Variants in USP44 observed in about 807,000 individuals in gnomAD.
USP44 encodes the protein ubiquitin carboxyl-terminal hydrolase 44.
USP44 carries 61 observed loss-of-function variants against 69.0 expected under a neutral mutation model. That is an observed-to-expected ratio of 0.88 (90% CI 0.72 to 1.09). USP44 has a LOEUF of 1.09. Among genes scored for constraint, USP44 ranks in the 50% least tolerant of loss-of-function variants. USP44 has a pLI of 0.00. For missense variants in USP44, 753 were observed against 849.9 expected, an observed-to-expected ratio of 0.89 and a Z score of 1.42; for synonymous variants, 297 against 295.4, an observed-to-expected ratio of 1.01 and a Z score of -0.06.
intron 1 of USP44, among the ~76,000 whole-genome samples, chr12:95,538,680 G>T (rs544152124): frequency 6.6e-6 from 1 of 152,306 alleles, no homozygotes; most frequent in East Asian, 1.9e-4. Flanking sequence ...ATCAGTAAGG[G>T]GTAGACGACA....
intron 3 of USP44, among the ~76,000 whole-genome samples, chr12:95,526,686 A>G (rs975650807): frequency 6.6e-6 from 1 of 152,180 alleles, no homozygotes; most frequent in East Asian, 1.9e-4. Context: ...TTGATATAAC[A>G]TTTCTTCAAT....
chr12:95,529,296 C>T (rs2076946593), intron 2 of USP44, among the ~76,000 whole-genome samples: 1 of 151,998 alleles, frequency 6.6e-6, no homozygotes, highest in African/African-American at 2.4e-5. Context: ...AATAGAAACA[C>T]ACTATGTATA....
At chr12:95,527,456 T>G (rs1592688986) in intron 3 of USP44, among the ~76,000 whole-genome samples, 1 of 152,086 alleles carries the variant, frequency 6.6e-6, no homozygotes, top group Non-Finnish European at 1.5e-5. Flanking sequence ...CATATACACA[T>G]CAACAGAGGA....
rs747452624 is a variant in USP44, at chr12:95,524,802, GA to G, written c.1625-15del. 4 of 1,576,734 alleles carry G rather than the reference GA, an allele frequency of 2.5e-6. No individual in the cohort carries two copies. Among genetic ancestry groups the G allele is most frequent in the Non-Finnish European group, 3.4e-6 (4 of 1,167,112 alleles). On this transcript the variant is annotated splice_polypyrimidine_tract_variant and intron_variant, in intron 3 of 5. Coordinates refer to ENST00000258499, the MANE Select transcript of USP44 (RefSeq NM_032147.5). ...TTCTACGCTTTGCTGTAACATCAAA[GA>G]AAGAATAAAAATCAAATTTCATTTA...
intron 3 of USP44, among the ~76,000 whole-genome samples, chr12:95,525,448 A>G (rs1446076801): frequency 7.9e-5 from 12 of 152,192 alleles, no homozygotes; most frequent in African/African-American, 2.4e-4. Flanking sequence ...TTTAATATAC[A>G]TTTCCCAAAC....
Position 95,526,455 on chromosome 12 carries a change from C to T in USP44, c.1625-1667G>A, listed in dbSNP as rs541846858. On this transcript the variant is annotated intron_variant, in intron 3 of 5. Coordinates refer to ENST00000258499, the MANE Select transcript of USP44 (RefSeq NM_032147.5). Reference sequence around the variant, plus strand: ...GGCGTGGTGGCGGGCGCCTGTAGTCCCAGCTACTCGGGAGGCTGAGGCAGG... The same window carrying T: ...GGCGTGGTGGCGGGCGCCTGTAGTCTCAGCTACTCGGGAGGCTGAGGCAGG... Among the ~76,000 whole-genome samples, 12 of 152,168 alleles carry T rather than the reference C, an allele frequency of 7.9e-5. No homozygotes were observed. In the East Asian group the frequency reaches 1.9e-3, roughly 25 times the overall value.
intron 2 of USP44, among the ~76,000 whole-genome samples, chr12:95,531,783 G>A (rs1313451827): frequency 1.3e-5 from 2 of 152,132 alleles, no homozygotes; most frequent in Non-Finnish European, 2.9e-5. Flanking sequence ...AGGTGTGCAG[G>A]GGGAAGGAAA....
intron 3 of USP44, among the ~76,000 whole-genome samples, chr12:95,527,248 C>G (rs1178350883): frequency 2.0e-5 from 3 of 152,024 alleles, no homozygotes; most frequent in African/African-American, 7.2e-5. Flanking sequence ...GCGCACGCCA[C>G]CATGCCCAGC....
chr12:95,533,645 T>G lies in USP44; in HGVS notation c.612A>C (p.Glu204Asp). 1 of 1,613,942 alleles carries G rather than the reference T, an allele frequency of 6.2e-7. No individual in the cohort carries two copies. The highest frequency in any genetic ancestry group is 1.1e-5 in the South Asian group (1 of 91,082). The change falls in exon 2 of 6, where the codon GAA becomes GAC. Residue 204 changes from glutamate (E) to aspartate (D), a missense_variant. Transcript: ENST00000258499. Reference sequence around the variant, plus strand: ...TCTTTCTTGGAGGCATACTTTCCAATTCTGCTTTAACTTGATACTCCAATT... The same window carrying G: ...TCTTTCTTGGAGGCATACTTTCCAAGTCTGCTTTAACTTGATACTCCAATT... ...RQELEYQVKA[E>D]LESMPPRKSL... is the part of the protein sequence containing the mutation.
Position 95,524,852 on chromosome 12 carries a change from AACCT to A in USP44, c.1625-68_1625-65del, listed in dbSNP as rs2076785521. On this transcript the variant is annotated intron_variant, in intron 3 of 5. Coordinates refer to ENST00000258499, the MANE Select transcript of USP44 (RefSeq NM_032147.5). ...TAAAGATTCAGGGAAAAGCTGAGTGAACCTTCTTTTTAATTAAGTCAGAAATGAA... is the reference window on the plus strand; with the variant it reads ...TAAAGATTCAGGGAAAAGCTGAGTGATCTTTTTAATTAAGTCAGAAATGAA... The A allele has an allele frequency of 9.7e-5, 136 of 1,407,200 alleles. No homozygotes were observed. In the South Asian group the frequency reaches 1.6e-3, roughly 17 times the overall value. The allele number at this position is 1,407,200 out of a possible 1,614,324, so 87.2% of individuals were successfully genotyped here. A position where few individuals can be genotyped will look rare whatever the true frequency, so the allele number is the denominator to read the frequency against.
intron 2 of USP44, among the ~76,000 whole-genome samples, chr12:95,532,164 T>C (rs1565818913): frequency 1.5e-5 from 2 of 135,680 alleles, no homozygotes; most frequent in African/African-American, 5.7e-5. Context: ...TTTCTTTCTT[T>C]GGGTTTTTTT....
chr12:95,518,886 C>G lies in USP44; in HGVS notation c.1940-533G>C, dbSNP rs139783740. Among the ~76,000 whole-genome samples, 156 of 151,912 alleles carry G rather than the reference C, an allele frequency of 1.0e-3. 2 individuals carry two copies. The highest frequency in any genetic ancestry group is 3.6e-3 in the African/African-American group (151 of 41,396). ...CCTGGGAGGCAGAGGTTGCAGTGAG[C>G]AAGGATGGCGCAGCTTGCCCTCAAG... On this transcript the variant is annotated intron_variant, in intron 5 of 5. Transcript: ENST00000258499.
At chr12:95,542,981 A>C (rs1164592680) in intron 1 of USP44, among the ~76,000 whole-genome samples, 1 of 148,700 alleles carries the variant, frequency 6.7e-6, no homozygotes. Flanking sequence ...CCAGCTACTC[A>C]GGAGGCTGAG....
intron 1 of USP44, among the ~76,000 whole-genome samples, chr12:95,539,657 C>G (rs1401216112): frequency 6.6e-6 from 1 of 152,146 alleles, no homozygotes; most frequent in African/African-American, 2.4e-5. Flanking sequence ...TTTGTTCAAA[C>G]AAAGCCATTC....
chr12:95,524,108 T>A (rs755069131), intron 4 of USP44, among the ~76,000 whole-genome samples: 1 of 151,888 alleles, frequency 6.6e-6, no homozygotes, highest in Non-Finnish European at 1.5e-5. Context: ...TGAGATGGAG[T>A]CTCACTCTGT....
chr12:95,532,706 C>A, intron 2 of USP44, 123 bp downstream of exon 2: 1 of 756,998 alleles, frequency 1.3e-6, no homozygotes. Flanking sequence ...TTTATAAAAA[C>A]AATCTATTTT....
intron 4 of USP44, 164 bp downstream of exon 4, chr12:95,524,516 G>A: frequency 1.9e-6 from 1 of 514,476 alleles, no homozygotes; most frequent in South Asian, 3.1e-5. Flanking sequence ...AAACAAATAA[G>A]CAAATGTAAG....
rs2077107964 is a variant in USP44, at chr12:95,533,823, T to A, written c.434A>T (p.Gln145Leu). ...CCTGTGCCAAAGAGCAGTATACAGT[T>A]GATCTTCACTTTGAAGCAGAGATTG... is the stretch of plus-strand genomic sequence containing the variant. Reference protein sequence around the residue: ...GAQSLLQSEDQLYTALWHRRR... With the variant: ...GAQSLLQSEDLLYTALWHRRR... The change falls in exon 2 of 6, where the codon CAA (glutamine) becomes CTA (leucine). Residue 145 changes from glutamine (Q) to leucine (L), a missense_variant. Physicochemically the swap from Gln to Leu is moderately radical, Grantham distance 113. Coordinates refer to ENST00000258499, the MANE Select transcript of USP44 (RefSeq NM_032147.5). 2.5e-6 allele frequency: 4 copies of A among 1,614,038 alleles called. No homozygotes were observed. In the South Asian group the frequency reaches 4.4e-5, roughly 18 times the overall value.
At chr12:95,531,719 A>G (rs1433913449) in intron 2 of USP44, among the ~76,000 whole-genome samples, 1 of 152,250 alleles carries the variant, frequency 6.6e-6, no homozygotes, top group Non-Finnish European at 1.5e-5. Context: ...AAAGTATGCT[A>G]TAAAAACAAA....
Sources: gnomAD v4.1 joint callset for allele counts (sites outside exome capture counted in the v4.1 genomes callset) on GRCh38, gnomAD v4.1.1 for gene constraint, MANE v1.5 for transcripts, NCBI Gene and HGNC (gene_info 2026-07-23, HGNC 2026-07-21) for gene names.